RABEP1: variants seen among roughly 807,000 people sequenced by gnomAD.
The protein encoded by RABEP1 is rab GTPase-binding effector protein 1.
In RABEP1, 51 loss-of-function variants were observed where a neutral mutation model predicts 123.4. The ratio of observed to expected loss-of-function variants is 0.41; its 90% CI spans 0.33 to 0.52. RABEP1 has a LOEUF of 0.52. Among genes scored for constraint, RABEP1 ranks in the 20% least tolerant of loss-of-function variants. The pLI is 0.16. For missense variants in RABEP1, 888 were observed against 996.3 expected, an observed-to-expected ratio of 0.89 and a Z score of 1.46; for synonymous variants, 347 against 355.2, an observed-to-expected ratio of 0.98 and a Z score of 0.26.
At chr17:5,334,003 G>A (rs1252263132) in intron 3 of RABEP1, among the ~76,000 whole-genome samples, 1 of 150,734 alleles carries the variant, frequency 6.6e-6, no homozygotes, top group Non-Finnish European at 1.5e-5. Flanking sequence ...TGGTAAGGAA[G>A]AAGGAGTGGA....
intron 2 of RABEP1, among the ~76,000 whole-genome samples, chr17:5,315,088 T>A (rs2075283372): frequency 6.6e-6 from 1 of 152,218 alleles, no homozygotes; most frequent in Non-Finnish European, 1.5e-5. Flanking sequence ...TCTTTATACA[T>A]GGTTGTAATT....
intron 5 of RABEP1, among the ~76,000 whole-genome samples, chr17:5,344,305 G>GT (rs1907875859): frequency 6.9e-6 from 1 of 144,936 alleles, no homozygotes; most frequent in Non-Finnish European, 1.5e-5. Flanking sequence ...GGGCATGGTG[G>GT]TGCACGCCTA....
intron 13 of RABEP1, among the ~76,000 whole-genome samples, chr17:5,373,952 T>A (rs1019442533): frequency 3.3e-5 from 5 of 152,156 alleles, no homozygotes; most frequent in Non-Finnish European, 7.4e-5. Flanking sequence ...AGATTGAGAG[T>A]GTGCCAGAAA....
At chr17:5,351,421 G>A (rs1182071683) in intron 7 of RABEP1, among the ~76,000 whole-genome samples, 1 of 152,126 alleles carries the variant, frequency 6.6e-6, no homozygotes, top group African/African-American at 2.4e-5. Context: ...TTGGTAGAGA[G>A]CCTTCTAAAC....
intron 5 of RABEP1, among the ~76,000 whole-genome samples, chr17:5,342,913 G>A (rs887478552): frequency 6.6e-6 from 1 of 152,172 alleles, no homozygotes; most frequent in African/African-American, 2.4e-5. Context: ...GTGTAAATTT[G>A]ATATATGACA....
At chr17:5,348,969 C>A (rs1030237176) in intron 6 of RABEP1, among the ~76,000 whole-genome samples, 10 of 152,126 alleles carry the variant, frequency 6.6e-5, no homozygotes, top group African/African-American at 2.4e-4. Context: ...AAATTGTGCC[C>A]CATCACCACT....
chr17:5,288,100 T>C (rs2074997203), intron 1 of RABEP1, among the ~76,000 whole-genome samples: 1 of 152,026 alleles, frequency 6.6e-6, no homozygotes, highest in Admixed American at 6.6e-5. Context: ...CAAAGGTGTT[T>C]GGCCTGAGCA....
chr17:5,378,353 G>A (rs934996613), intron 15 of RABEP1, 121 bp downstream of exon 15: 21 of 985,380 alleles, frequency 2.1e-5, no homozygotes, highest in Non-Finnish European at 3.4e-5. Context: ...AGGAACTTTT[G>A]TCTTGTGGGA....
chr17:5,308,931 T>A, intron 2 of RABEP1, 109 bp downstream of exon 2: 1 of 1,119,032 alleles, frequency 8.9e-7, no homozygotes, highest in Non-Finnish European at 1.2e-6. Context: ...ATTTTATTTG[T>A]ACTTGCATAA....
chr17:5,331,027 CTTTTTTTT>C lies in RABEP1; in HGVS notation c.164-901_164-894del, dbSNP rs1187502263. Among the ~76,000 whole-genome samples, 48 of 87,062 alleles carry C rather than the reference CTTTTTTTT, an allele frequency of 5.5e-4. 1 individual carries two copies. Among genetic ancestry groups the C allele is most frequent in the Non-Finnish European group, 8.5e-4 (39 of 45,738 alleles). The allele number at this position is 87,062 out of a possible 152,430, so 57.1% of individuals were successfully genotyped here. ...CGACAATTGAGACCCTATCTCTTAA[CTTTTTTTT>C]TTTTTTTTTTTTTTTTTTTTAAAGA... is the stretch of plus-strand genomic sequence containing the variant. On this transcript the variant is annotated intron_variant, in intron 2 of 17. Transcript: ENST00000537505.
intron 2 of RABEP1, among the ~76,000 whole-genome samples, chr17:5,318,587 C>G (rs1440865245): frequency 6.6e-6 from 1 of 152,166 alleles, no homozygotes; most frequent in African/African-American, 2.4e-5. Context: ...GTTGTGTTTA[C>G]TGGTGAGTTC....
intron 2 of RABEP1, among the ~76,000 whole-genome samples, chr17:5,310,369 C>G (rs1213648180): frequency 7.2e-6 from 1 of 138,930 alleles, no homozygotes; most frequent in Non-Finnish European, 1.5e-5. Context: ...GGCTGGAGTT[C>G]AGTGGCACTA....
chr17:5,380,498 A>C (rs997695410), intron 16 of RABEP1, 36 bp downstream of exon 16: 4 of 1,423,042 alleles, frequency 2.8e-6, no homozygotes, highest in Non-Finnish European at 3.9e-6. Flanking sequence ...TTTAAAAAGC[A>C]GGGCTAAGAA....
chr17:5,292,942 A>G (rs1195561837), intron 1 of RABEP1, among the ~76,000 whole-genome samples: 1 of 152,136 alleles, frequency 6.6e-6, no homozygotes, highest in East Asian at 1.9e-4. Context: ...TTGGCATCTC[A>G]AAGTGCTGGC....
At chr17:5,286,632 C>T (rs1450797737) in intron 1 of RABEP1, among the ~76,000 whole-genome samples, 1 of 152,170 alleles carries the variant, frequency 6.6e-6, no homozygotes, top group Non-Finnish European at 1.5e-5. Flanking sequence ...ATCATTCAGC[C>T]ATTAATTAGA....
At chr17:5,367,840 T>C (rs116001979) in intron 11 of RABEP1, among the ~76,000 whole-genome samples, 4,477 of 150,818 alleles carry the variant, frequency 0.03, 231 homozygotes, top group African/African-American at 0.1. Context: ...CTGCAACCTC[T>C]GCCTCCCGGT....
intron 12 of RABEP1, among the ~76,000 whole-genome samples, chr17:5,370,965 CTTT>C (rs58556047): frequency 6.9e-6 from 1 of 144,734 alleles, no homozygotes; most frequent in Non-Finnish European, 1.5e-5. Context: ...ATTTGTTTCT[CTTT>C]TTTTTTTTTT....
intron 5 of RABEP1, among the ~76,000 whole-genome samples, chr17:5,339,657 G>A (rs1273284751): frequency 8.4e-6 from 1 of 119,284 alleles, no homozygotes; most frequent in Non-Finnish European, 1.6e-5. Context: ...AATTAGCCAG[G>A]CGTGGTGGCC....
rs979617288 is a variant in RABEP1 at position 5,383,301 on chromosome 17, C to T, written c.*78C>T. 1 of 1,134,846 alleles carries T rather than the reference C, an allele frequency of 8.8e-7. No homozygotes were observed. The highest frequency in any genetic ancestry group is 1.3e-6 in the Non-Finnish European group (1 of 760,000). 70.3% of individuals were successfully genotyped at this position (1,134,846 alleles called of 1,614,324 possible). A position where few individuals can be genotyped will look rare whatever the true frequency, so the allele number is the denominator to read the frequency against. ...GAGCAACAGTAATTATTATTTAACT[C>T]TTAACTGAAGAAAGAGAAGTCACAA... On this transcript the variant is annotated 3_prime_UTR_variant, in exon 18 of 18. Coordinates refer to ENST00000537505, the MANE Select transcript of RABEP1 (RefSeq NM_004703.6).
Sources: allele counts gnomAD v4.1 joint callset (sites outside exome capture counted in the v4.1 genomes callset), GRCh38; gene constraint gnomAD v4.1.1; transcripts MANE v1.5; gene names NCBI Gene and HGNC (gene_info 2026-07-23, HGNC 2026-07-21).